The following EEA1 variants were observed in gnomAD, a reference collection of about 807,000 sequenced individuals.
EEA1 encodes early endosome antigen 1.
In EEA1, 111 loss-of-function variants were observed where a neutral mutation model predicts 209.2. That is an observed-to-expected ratio of 0.53 (90% CI 0.45 to 0.62). The LOEUF is 0.62. Among genes scored for constraint, EEA1 ranks in the 20% least tolerant of loss-of-function variants. The probability of loss-of-function intolerance (pLI) is 0.00; values close to 1 mark genes in which losing one functional copy is unlikely to be tolerated. For missense variants in EEA1, 1,343 were observed against 1,530.8 expected (o/e 0.88, Z 2.05); for synonymous variants, 536 against 540.6 (o/e 0.99, Z 0.12).
At chr12:92,858,919 TGGA>T in intron 3 of EEA1, 4 of 703,410 alleles carry the variant, frequency 5.7e-6, no homozygotes, top group Non-Finnish European at 1.1e-5. Context: ...GGGGTGTTCA[TGGA>T]GGAGGTGCCT....
At position 92,928,980 on chromosome 12, in the gene EEA1, C is replaced by T. The variant is rs537531660; in HGVS notation, c.24+63G>A. ...CCGCGCTGAGGAGGGGCGCCCGCGC[C>T]GCGGCCCCGAGCTCCGGCTGTCCCG... On this transcript the variant is annotated intron_variant, in intron 1 of 28. Coordinates refer to ENST00000322349, the MANE Select transcript of EEA1 (RefSeq NM_003566.4). 2.0e-5 allele frequency: 31 copies of T among 1,531,266 alleles called. No individual in the cohort carries two copies. The African/African-American group carries it at 3.7e-4, about 18-fold the overall frequency. 94.9% of individuals were successfully genotyped at this position (1,531,266 alleles called of 1,614,324 possible).
At chr12:92,905,809 ATCACTG>A (rs1880359494) in intron 1 of EEA1, among the ~76,000 whole-genome samples, 1 of 152,204 alleles carries the variant, frequency 6.6e-6, no homozygotes, top group Non-Finnish European at 1.5e-5. Context: ...AAAAAGAAAT[ATCACTG>A]TCACAGAAGT....
intron 13 of EEA1, among the ~76,000 whole-genome samples, chr12:92,822,001 T>C (rs1565822178): frequency 6.6e-6 from 1 of 150,606 alleles, no homozygotes; most frequent in Admixed American, 6.6e-5. Context: ...TATATATACA[T>C]ATAACTACAT....
intron 4 of EEA1, 39 bp downstream of exon 4, chr12:92,857,392 A>G (rs570129159): frequency 6.4e-7 from 1 of 1,571,744 alleles, no homozygotes; most frequent in South Asian, 1.2e-5. Flanking sequence ...ATTATCTGAA[A>G]CACTGAAAAT....
At chr12:92,879,568 G>A (rs111893684) in intron 2 of EEA1, among the ~76,000 whole-genome samples, 3,720 of 151,680 alleles carry the variant, frequency 0.025, 171 homozygotes, top group African/African-American at 0.084. Flanking sequence ...AGGGAGAGAG[G>A]GAGGGAGGGA....
At chr12:92,927,836 C>A (rs1881265103) in intron 1 of EEA1, among the ~76,000 whole-genome samples, 1 of 152,180 alleles carries the variant, frequency 6.6e-6, no homozygotes, top group African/African-American at 2.4e-5. Flanking sequence ...CAAAACACTG[C>A]AAAATACAAT....
intron 2 of EEA1, among the ~76,000 whole-genome samples, chr12:92,873,872 T>C (rs936604531): frequency 5.9e-5 from 9 of 152,234 alleles, no homozygotes; most frequent in South Asian, 2.1e-4. Context: ...TTACTTTAAT[T>C]ATTCCTTTTG....
chr12:92,892,828 C>T (rs1879707917), intron 1 of EEA1, among the ~76,000 whole-genome samples: 1 of 152,138 alleles, frequency 6.6e-6, no homozygotes, highest in Non-Finnish European at 1.5e-5. Context: ...CGGGGTTTCA[C>T]CATGTTGGCC....
intron 1 of EEA1, among the ~76,000 whole-genome samples, chr12:92,904,642 A>C (rs1880294632): frequency 6.6e-6 from 1 of 152,200 alleles, no homozygotes; most frequent in South Asian, 2.1e-4. Flanking sequence ...GGGAACCCTC[A>C]CAACTCCCCT....
rs79738159 is a variant in EEA1 at position 92,868,070 on chromosome 12, A to T, written c.118-3083T>A. Among the ~76,000 whole-genome samples, 1,209 of 152,334 alleles carry T rather than the reference A, an allele frequency of 7.9e-3. 14 individuals are homozygous for T. The highest frequency in any genetic ancestry group is 0.028 in the African/African-American group (1,148 of 41,566). On this transcript the variant is annotated intron_variant, in intron 2 of 28. Transcript: ENST00000322349. The stretch of plus-strand genomic sequence containing the variant: ...GAGCCAGAATGAAGGGCAGGGGCAC[A>T]ACAGGTGATAAATGCAATAATCTCC...
At chr12:92,917,434 A>G (rs987287025) in intron 1 of EEA1, among the ~76,000 whole-genome samples, 2 of 150,240 alleles carry the variant, frequency 1.3e-5, no homozygotes, top group African/African-American at 4.9e-5. Flanking sequence ...AGTGGGGGCC[A>G]ATATTCAACA....
At chr12:92,923,814 C>T (rs1403565002) in intron 1 of EEA1, among the ~76,000 whole-genome samples, 1 of 139,424 alleles carries the variant, frequency 7.2e-6, no homozygotes, top group African/African-American at 2.7e-5. Flanking sequence ...ATGAATGTAC[C>T]TATGTTCTAA....
intron 2 of EEA1, among the ~76,000 whole-genome samples, chr12:92,889,189 T>G (rs992720189): frequency 6.8e-6 from 1 of 147,636 alleles, no homozygotes; most frequent in Non-Finnish European, 1.5e-5. Context: ...GAACAGAATA[T>G]AGTGCATAAT....
intron 2 of EEA1, among the ~76,000 whole-genome samples, chr12:92,871,961 A>G (rs1878669570): frequency 6.6e-6 from 1 of 151,978 alleles, no homozygotes; most frequent in Non-Finnish European, 1.5e-5. Flanking sequence ...GCTCACTGCC[A>G]TCTCCGCCTC....
intron 1 of EEA1, among the ~76,000 whole-genome samples, chr12:92,916,654 C>G (rs147165432): frequency 1.5e-5 from 1 of 67,456 alleles, no homozygotes; most frequent in South Asian, 3.1e-4. Flanking sequence ...AAAAACAGAA[C>G]AGAAAAACTG....
Position 92,771,583 on chromosome 12 carries a change from A to C in EEA1, c.*4428T>G, listed in dbSNP as rs1337110897. The C allele has an allele frequency of 6.6e-6, 1 of 152,096 alleles. No homozygotes were observed. Among genetic ancestry groups the C allele is most frequent in the Admixed American group, 6.6e-5 (1 of 15,248 alleles). 9.4% of individuals were successfully genotyped at this position (152,096 alleles called of 1,614,324 possible). Reference sequence around the variant, plus strand: ...AGGGGAGAATAGACTTCAAGCTTCAAGTGAATTCCTAGAGATGGCATCTGG... The same window carrying C: ...AGGGGAGAATAGACTTCAAGCTTCACGTGAATTCCTAGAGATGGCATCTGG... On this transcript the variant is annotated 3_prime_UTR_variant, in exon 29 of 29. Transcript: ENST00000322349.
At chr12:92,832,145 A>G (rs1876681513) in intron 11 of EEA1, among the ~76,000 whole-genome samples, 3 of 152,096 alleles carry the variant, frequency 2.0e-5, no homozygotes, top group African/African-American at 7.2e-5. Context: ...TTTTATAATA[A>G]TGATGCTTTT....
intron 1 of EEA1, among the ~76,000 whole-genome samples, chr12:92,912,291 TG>T (rs1880609243): frequency 6.6e-6 from 1 of 152,202 alleles, no homozygotes; most frequent in Non-Finnish European, 1.5e-5. Context: ...ATCAGGCCTA[TG>T]TTTTCATGCC....
intron 1 of EEA1, among the ~76,000 whole-genome samples, chr12:92,902,176 A>C (rs1277964313): frequency 6.6e-6 from 1 of 152,168 alleles, no homozygotes; most frequent in Non-Finnish European, 1.5e-5. Flanking sequence ...CCTGGGCAAC[A>C]GAGTAAGACC....
Sources: allele counts gnomAD v4.1 joint callset (sites outside exome capture counted in the v4.1 genomes callset), GRCh38; gene constraint gnomAD v4.1.1; transcripts MANE v1.5; gene names NCBI Gene and HGNC (gene_info 2026-07-23, HGNC 2026-07-21).